Variants in LSAMP observed in about 807,000 individuals in gnomAD.
LSAMP encodes the protein limbic system associated membrane protein.
In LSAMP, 7 loss-of-function variants were observed where a neutral mutation model predicts 38.6. The observed-to-expected ratio is 0.18, with a 90% CI of 0.10 to 0.34. The LOEUF (loss-of-function observed/expected upper bound fraction) is 0.34, where lower values mean the gene tolerates loss of function less well. LSAMP is among the 10% of genes least tolerant of loss of function. The probability of loss-of-function intolerance (pLI) is 1.00; values close to 1 mark genes in which losing one functional copy is unlikely to be tolerated. For synonymous variants in LSAMP, 154 were observed against 166.8 expected (o/e 0.92, Z 0.59); for missense variants, 313 against 420.0 (o/e 0.75, Z 2.23).
chr3:115,971,977 A>C (rs4315682), intron 3 of LSAMP, among the ~76,000 whole-genome samples: 61,273 of 151,886 alleles, frequency 0.4, 12,993 homozygotes, highest in African/African-American at 0.54. Flanking sequence ...AATCCTATAA[A>C]TCCTATACAT....
intron 1 of LSAMP, among the ~76,000 whole-genome samples, chr3:116,222,809 C>T (rs2046303557): frequency 7.6e-6 from 1 of 131,768 alleles, no homozygotes; most frequent in African/African-American, 2.8e-5. Context: ...GATCTCGGCT[C>T]ACTGCAAGCT....
At chr3:116,089,255 A>T (rs896013084) in intron 1 of LSAMP, among the ~76,000 whole-genome samples, 3 of 152,270 alleles carry the variant, frequency 2.0e-5, no homozygotes, top group Non-Finnish European at 2.9e-5. Context: ...CAATTTACAT[A>T]GCACCTTGTT....
intron 1 of LSAMP, among the ~76,000 whole-genome samples, chr3:116,375,726 G>T (rs1221739594): frequency 6.6e-6 from 1 of 151,810 alleles, no homozygotes; most frequent in Non-Finnish European, 1.5e-5. Flanking sequence ...AAATCATCCT[G>T]AAATTAAATG....
rs141175912 is a variant in LSAMP at position 116,191,669 on chromosome 3, T to G, written c.156-105113A>C. Among the ~76,000 whole-genome samples, 80 of 151,930 alleles carry G rather than the reference T, an allele frequency of 5.3e-4. 2 individuals carry two copies. Among genetic ancestry groups the G allele is most frequent in the African/African-American group, 1.9e-3 (77 of 41,398 alleles). ...ATCTAGTTTCCGGGTTTAGCTCTTC[T>G]GTCTTGAATCAGGTTTTTGTGCCAT... On this transcript the variant is annotated intron_variant, in intron 1 of 6. Transcript: ENST00000490035.
intron 1 of LSAMP, among the ~76,000 whole-genome samples, chr3:116,108,832 C>T (rs1032191892): frequency 5.4e-4 from 82 of 152,284 alleles, no homozygotes; most frequent in African/African-American, 1.9e-3. Context: ...GCGGTTCAGG[C>T]ATTTGGAAGT....
At chr3:116,093,170 G>T (rs1708159836) in intron 1 of LSAMP, among the ~76,000 whole-genome samples, 2 of 152,162 alleles carry the variant, frequency 1.3e-5, no homozygotes, top group Non-Finnish European at 2.9e-5. Flanking sequence ...CCAAGTGAAG[G>T]CAATCTGTGC....
intron 1 of LSAMP, among the ~76,000 whole-genome samples, chr3:116,117,408 C>A (rs1708776922): frequency 6.6e-6 from 1 of 152,208 alleles, no homozygotes; most frequent in Non-Finnish European, 1.5e-5. Context: ...TCCCCATAAA[C>A]CCCATGCCAA....
At chr3:116,267,575 A>ATCTC (rs2046908744) in intron 1 of LSAMP, among the ~76,000 whole-genome samples, 2 of 147,874 alleles carry the variant, frequency 1.4e-5, no homozygotes, top group African/African-American at 2.5e-5. Flanking sequence ...TGCAGGCCCT[A>ATCTC]TCTCTGTCCC....
intron 3 of LSAMP, among the ~76,000 whole-genome samples, chr3:115,926,096 T>A (rs933849675): frequency 1.3e-5 from 2 of 151,908 alleles, no homozygotes; most frequent in African/African-American, 2.4e-5. Flanking sequence ...TTATGTGAGA[T>A]GTATGAAGAA....
chr3:116,041,747 G>A (rs1183760852), intron 2 of LSAMP, among the ~76,000 whole-genome samples: 2 of 144,202 alleles, frequency 1.4e-5, no homozygotes, highest in East Asian at 4.1e-4. Flanking sequence ...CAAGAAGGAA[G>A]CAAAGTCATA....
At chr3:115,991,878 G>A (rs1440455709) in intron 3 of LSAMP, among the ~76,000 whole-genome samples, 1 of 152,046 alleles carries the variant, frequency 6.6e-6, no homozygotes, top group Non-Finnish European at 1.5e-5. Context: ...AAGCTCCAAT[G>A]GCAGGAATAA....
chr3:116,049,733 C>T (rs1174284413), intron 2 of LSAMP, among the ~76,000 whole-genome samples: 1 of 151,882 alleles, frequency 6.6e-6, no homozygotes, highest in Non-Finnish European at 1.5e-5. Context: ...AATTATAAGC[C>T]CTCAGAAATT....
At chr3:116,196,340 C>A (rs1041220372) in intron 1 of LSAMP, among the ~76,000 whole-genome samples, 1 of 152,092 alleles carries the variant, frequency 6.6e-6, no homozygotes, top group Non-Finnish European at 1.5e-5. Context: ...TTATTTTATT[C>A]ATCTCTTTAT....
At chr3:116,136,465 A>G (rs910923322) in intron 1 of LSAMP, among the ~76,000 whole-genome samples, 1 of 151,988 alleles carries the variant, frequency 6.6e-6, no homozygotes, top group Non-Finnish European at 1.5e-5. Context: ...TTAATCTGTG[A>G]TTGCTGCATT....
chr3:116,440,942 G>A (rs1576228087), intron 1 of LSAMP, among the ~76,000 whole-genome samples: 1 of 152,174 alleles, frequency 6.6e-6, no homozygotes, highest in African/African-American at 2.4e-5. Context: ...CTTCATTAGT[G>A]AATATTGCCA....
At chr3:115,996,473 A>G (rs963646653) in intron 3 of LSAMP, among the ~76,000 whole-genome samples, 7 of 152,156 alleles carry the variant, frequency 4.6e-5, no homozygotes, top group African/African-American at 9.6e-5. Flanking sequence ...GACTTCAGTA[A>G]TAAAACAAAT....
intron 3 of LSAMP, among the ~76,000 whole-genome samples, chr3:115,944,537 T>G (rs532541497): frequency 2.0e-5 from 3 of 152,294 alleles, no homozygotes; most frequent in Admixed American, 1.3e-4. Context: ...GTTCTGCCAA[T>G]TCTGAAATAA....
At chr3:115,956,712 A>G (rs1938466034) in intron 3 of LSAMP, among the ~76,000 whole-genome samples, 1 of 152,250 alleles carries the variant, frequency 6.6e-6, no homozygotes, top group African/African-American at 2.4e-5. Flanking sequence ...TTGGAAGCTT[A>G]TATAGTTAAA....
chr3:116,335,662 T>G (rs2047910890), intron 1 of LSAMP, among the ~76,000 whole-genome samples: 2 of 152,076 alleles, frequency 1.3e-5, no homozygotes, highest in Middle Eastern at 3.2e-3. Flanking sequence ...AAAATTATCA[T>G]AAGGCAAACA....
Sources: allele counts gnomAD v4.1 joint callset (sites outside exome capture counted in the v4.1 genomes callset), GRCh38; gene constraint gnomAD v4.1.1; transcripts MANE v1.5; gene names NCBI Gene and HGNC (gene_info 2026-07-23, HGNC 2026-07-21).